The following UGT3A1 variants were observed in gnomAD, a reference collection of about 807,000 sequenced individuals.
UGT3A1 encodes UDP-glycosyltransferase 3A1.
Under a neutral mutation model 37.6 loss-of-function variants are expected in UGT3A1, and 40 were observed. The ratio of observed to expected loss-of-function variants is 1.06; its 90% CI spans 0.83 to 1.38. The LOEUF (loss-of-function observed/expected upper bound fraction) is 1.38, where lower values mean the gene tolerates loss of function less well. UGT3A1 is among the 40% of genes most tolerant of loss of function. UGT3A1 has a pLI of 0.00. For synonymous variants in UGT3A1, 256 were observed against 232.3 expected, an observed-to-expected ratio of 1.10 and a Z score of -0.93; for missense variants, 642 against 634.2, an observed-to-expected ratio of 1.01 and a Z score of -0.13.
chr5:35,954,721 A>G, intron 6 of UGT3A1: 1 of 547,578 alleles, frequency 1.8e-6, no homozygotes, highest in Non-Finnish European at 3.2e-6. Context: ...AAACTGTAGG[A>G]AAGTGATTAA....
chr5:35,958,177 C>T (rs927533906), intron 4 of UGT3A1, among the ~76,000 whole-genome samples: 4 of 151,980 alleles, frequency 2.6e-5, no homozygotes, highest in African/African-American at 9.7e-5. Flanking sequence ...TTGTGTAATG[C>T]CTTTCTTTGT....
Position 35,957,383 on chromosome 5 carries a change from C to G in UGT3A1, c.880G>C (p.Gly294Arg), listed in dbSNP as rs752552180. The G allele has an allele frequency of 8.1e-6, 13 of 1,614,022 alleles. No individual in the cohort carries two copies. Among genetic ancestry groups the G allele is most frequent in the Non-Finnish European group, 5.9e-6 (7 of 1,180,030 alleles). The change falls in exon 5 of 7, where the codon GGG becomes CGG. Residue 294 changes from glycine to arginine, a missense_variant. Physicochemically the swap from Gly to Arg is moderately radical, Grantham distance 125. Transcript: ENST00000274278. ...DNFIANFGDA[G>R]FVLVAFGSML... ...GAGCCAAAGGCCACAAGGACAAACC[C>G]TGCATCCCCAAAGTTGGCAATGAAG...
intron 1 of UGT3A1, among the ~76,000 whole-genome samples, chr5:35,989,228 C>G (rs1026307653): frequency 2.6e-5 from 4 of 152,180 alleles, no homozygotes; most frequent in African/African-American, 9.7e-5. Flanking sequence ...GCCTATAGAT[C>G]CTGGTTGCAC....
chr5:35,966,049 T>C, intron 3 of UGT3A1, 132 bp from the exon 4 acceptor site: 1 of 696,134 alleles, frequency 1.4e-6, no homozygotes, highest in Non-Finnish European at 2.2e-6. Flanking sequence ...CATTCTACAA[T>C]GTTTCAACAA....
chr5:35,954,378 C>A lies in UGT3A1; in HGVS notation c.1396G>T (p.Gly466Trp), dbSNP rs761693364. The change falls in exon 7 of 7, where the codon GGG (glycine) becomes TGG (tryptophan). Residue 466 changes from glycine (G) to tryptophan (W), a missense_variant. By Grantham distance (184) the Gly-to-Trp change is radical. Coordinates refer to ENST00000274278, the MANE Select transcript of UGT3A1 (RefSeq NM_152404.4). ...TAGGGCTTGAGGTGCGTCGCTCCCC[C>A]AGTCTGGAGGATGTGGTCGATCCAG... ...VGWIDHILQT[G>W]GATHLKPYAF... 1 of 1,614,234 alleles carries A rather than the reference C, an allele frequency of 6.2e-7. No individual in the cohort carries two copies. The highest frequency in any genetic ancestry group is 8.5e-7 in the Non-Finnish European group (1 of 1,180,044).
intron 4 of UGT3A1, among the ~76,000 whole-genome samples, chr5:35,958,081 A>C (rs1337300814): frequency 6.6e-6 from 1 of 152,064 alleles, no homozygotes; most frequent in African/African-American, 2.4e-5. Context: ...TATAGCTCTT[A>C]TATATTGTTG....
intron 2 of UGT3A1, among the ~76,000 whole-genome samples, chr5:35,975,859 A>G (rs1460557652): frequency 6.6e-6 from 1 of 152,168 alleles, no homozygotes; most frequent in Admixed American, 6.6e-5. Context: ...TTTTTAAAAG[A>G]CACAGTTACA....
intron 2 of UGT3A1, among the ~76,000 whole-genome samples, chr5:35,996,785 G>A (rs916091767): frequency 4.6e-5 from 7 of 152,164 alleles, no homozygotes; most frequent in Admixed American, 3.9e-4. Flanking sequence ...AGCAGAGAAG[G>A]AAATATTAGG....
At chr5:35,976,549 A>G (rs930334278) in intron 2 of UGT3A1, among the ~76,000 whole-genome samples, 1 of 152,188 alleles carries the variant, frequency 6.6e-6, no homozygotes, top group Admixed American at 6.5e-5. Context: ...ACCCAGAGAA[A>G]AGAATGTAGG....
intron 2 of UGT3A1, among the ~76,000 whole-genome samples, chr5:35,984,425 A>G (rs1413231265): frequency 6.6e-6 from 1 of 150,676 alleles, no homozygotes; most frequent in African/African-American, 2.4e-5. Context: ...ATTCTTTCTG[A>G]GCTTGTTTCC....
chr5:35,954,366 GCGTCGCTCCCCC>G lies in UGT3A1; in HGVS notation c.1396_1407del (p.Gly466_Thr469del). The G allele has an allele frequency of 6.2e-7, 1 of 1,614,240 alleles. No individual in the cohort carries two copies. Among genetic ancestry groups the G allele is most frequent in the Non-Finnish European group, 8.5e-7 (1 of 1,180,042 alleles). On this transcript the variant is annotated inframe_deletion, in exon 7 of 7. Transcript: ENST00000274278. ...TGCTGGAAGGCATAGGGCTTGAGGT[GCGTCGCTCCCCC>G]AGTCTGGAGGATGTGGTCGATCCAG...
intron 6 of UGT3A1, chr5:35,955,386 T>C: frequency 1.7e-6 from 1 of 591,458 alleles, no homozygotes; most frequent in Non-Finnish European, 3.0e-6. Flanking sequence ...CTCCCAAATA[T>C]AAGATCAGTC....
In UGT3A1 at chr5:35,954,473, T is replaced by A. The variant is rs1739278137; in HGVS notation, c.1301A>T (p.Lys434Met). The A allele has an allele frequency of 1.9e-6, 3 of 1,613,662 alleles. No homozygotes were observed. The highest frequency in any genetic ancestry group is 1.7e-5 in the Admixed American group (1 of 60,018). Residue 434 changes from lysine (K) to methionine (M), a missense_variant, in exon 7 of 7, where the codon AAG becomes ATG. Coordinates refer to ENST00000274278, the MANE Select transcript of UGT3A1 (RefSeq NM_152404.4). ...MKQVIEDKRY[K>M]SAVVAASVIL... ...GACACTGGCTGCCACCACTGCCGAC[T>A]TGTACCTGTTGGCGGAGACAGAGAG...
chr5:35,954,180 T>C lies in UGT3A1; in HGVS notation c.*22A>G, dbSNP rs1024700095. 1 of 1,608,546 alleles carries C rather than the reference T, an allele frequency of 6.2e-7. No individual in the cohort carries two copies. The highest frequency in any genetic ancestry group is 1.3e-5 in the African/African-American group (1 of 74,934). On this transcript the variant is annotated 3_prime_UTR_variant, in exon 7 of 7. Coordinates refer to ENST00000274278, the MANE Select transcript of UGT3A1 (RefSeq NM_152404.4). Reference sequence around the variant, plus strand: ...TCAAAGGACCAGGGATGCCCTCCCCTCACCCAAGGCTACACCTAGCCTCAT... The same window carrying C: ...TCAAAGGACCAGGGATGCCCTCCCCCCACCCAAGGCTACACCTAGCCTCAT...
At chr5:35,977,682 G>T (rs1396499107) in intron 2 of UGT3A1, among the ~76,000 whole-genome samples, 1 of 152,200 alleles carries the variant, frequency 6.6e-6, no homozygotes, top group African/African-American at 2.4e-5. Context: ...AGAACTGTGA[G>T]TCAAATAAAC....
rs548443801 is a variant in UGT3A1 at position 35,991,132 on chromosome 5, C to T, written c.94+15G>A. 51 of 1,614,170 alleles carry T rather than the reference C, an allele frequency of 3.2e-5. 1 individual carries two copies. In the South Asian group the frequency reaches 5.4e-4, roughly 17 times the overall value. On this transcript the variant is annotated intron_variant, in intron 1 of 6. Transcript: ENST00000274278. ...GGGACGCGCCTGTCTGGGAATTCTC[C>T]GGCCAAGCACTCACCCAGTGTAGAT...
Position 35,957,386 on chromosome 5 carries a change from C to A in UGT3A1, c.877G>T (p.Ala293Ser). Reference protein sequence around the residue: ...LDNFIANFGDAGFVLVAFGSM... With the variant: ...LDNFIANFGDSGFVLVAFGSM... ...CCAAAGGCCACAAGGACAAACCCTGCATCCCCAAAGTTGGCAATGAAGTTG... is the reference window on the plus strand; with the variant it reads ...CCAAAGGCCACAAGGACAAACCCTGAATCCCCAAAGTTGGCAATGAAGTTG... Residue 293 changes from alanine to serine, a missense_variant, in exon 5 of 7, where the codon GCA (alanine) becomes TCA (serine). Coordinates refer to ENST00000274278, the MANE Select transcript of UGT3A1 (RefSeq NM_152404.4). 2 of 1,614,154 alleles carry A rather than the reference C, an allele frequency of 1.2e-6. No individual in the cohort carries two copies. The highest frequency in any genetic ancestry group is 2.2e-5 in the East Asian group (1 of 44,878).
chr5:35,961,570 G>A (rs1739585589), intron 4 of UGT3A1: 1 of 152,214 alleles, frequency 6.6e-6, no homozygotes, highest in African/African-American at 2.4e-5. Flanking sequence ...AACTTTAGAA[G>A]AGAGACAACT....
chr5:35,978,896 T>A (rs1740408005), intron 2 of UGT3A1, among the ~76,000 whole-genome samples: 1 of 152,240 alleles, frequency 6.6e-6, no homozygotes, highest in East Asian at 1.9e-4. Flanking sequence ...GTAGAGGCAA[T>A]GGGTAAATAG....
Sources: gnomAD v4.1 joint callset for allele counts (sites outside exome capture counted in the v4.1 genomes callset) on GRCh38, gnomAD v4.1.1 for gene constraint, MANE v1.5 for transcripts, NCBI Gene and HGNC (gene_info 2026-07-23, HGNC 2026-07-21) for gene names.